Variants in PDZRN4 observed in about 807,000 individuals in gnomAD.
PDZRN4 encodes the protein PDZ domain-containing RING finger protein 4.
In PDZRN4, 70 loss-of-function variants were observed where a neutral mutation model predicts 99.0. That is an observed-to-expected ratio of 0.71 (90% CI 0.58 to 0.86). PDZRN4 has a LOEUF of 0.86. Among genes scored for constraint, PDZRN4 ranks in the 40% least tolerant of loss-of-function variants. The probability of loss-of-function intolerance (pLI) is 0.00; values close to 1 mark genes in which losing one functional copy is unlikely to be tolerated. For synonymous variants in PDZRN4, 551 were observed against 501.6 expected, an observed-to-expected ratio of 1.10 and a Z score of -1.32; for missense variants, 1,474 against 1,331.2, an observed-to-expected ratio of 1.11 and a Z score of -1.67.
chr12:41,298,962 G>A (rs1286022110), intron 3 of PDZRN4, among the ~76,000 whole-genome samples: 1 of 152,072 alleles, frequency 6.6e-6, no homozygotes, highest in African/African-American at 2.4e-5. Context: ...TGTGATCACT[G>A]CATCCCCCTT....
intron 3 of PDZRN4, among the ~76,000 whole-genome samples, chr12:41,413,663 T>G (rs1279308651): frequency 1.3e-5 from 2 of 152,158 alleles, no homozygotes; most frequent in Admixed American, 6.5e-5. Context: ...CAATTATTAT[T>G]GTCAATTTAA....
intron 3 of PDZRN4, among the ~76,000 whole-genome samples, chr12:41,391,773 T>C (rs992345998): frequency 6.6e-5 from 10 of 152,156 alleles, no homozygotes; most frequent in African/African-American, 2.4e-4. Flanking sequence ...CTTTACTAAC[T>C]GAATAGCCTT....
chr12:41,573,077 C>G lies in PDZRN4; in HGVS notation c.2298C>G (p.Leu766=), dbSNP rs1173757509. The G allele has an allele frequency of 2.5e-6, 4 of 1,614,104 alleles. No individual in the cohort carries two copies. Among genetic ancestry groups the G allele is most frequent in the Non-Finnish European group, 3.4e-6 (4 of 1,180,002 alleles). Residue 766 remains leucine, a synonymous_variant, in exon 10 of 10, where the codon CTC becomes CTG. Transcript: ENST00000402685. ...GTTCCCTTCCAAGGGTGATCAACCT[C>G]ACCAATAAGAAAAACCTGAGAAGCA... ...PDSSLPRVIN[L]TNKKNLRSTM... is the part of the protein sequence containing the mutation.
intron 3 of PDZRN4, among the ~76,000 whole-genome samples, chr12:41,291,960 AC>A (rs1951459323): frequency 6.6e-6 from 1 of 152,192 alleles, no homozygotes; most frequent in Non-Finnish European, 1.5e-5. Flanking sequence ...GACCAGGATA[AC>A]TGGAAATATA....
At chr12:41,469,860 G>A (rs1212018498) in intron 3 of PDZRN4, among the ~76,000 whole-genome samples, 1 of 152,102 alleles carries the variant, frequency 6.6e-6, no homozygotes, top group Non-Finnish European at 1.5e-5. Context: ...AACCTGGGAG[G>A]CAGAGCTTGC....
At chr12:41,321,222 A>G (rs1463162621) in intron 3 of PDZRN4, among the ~76,000 whole-genome samples, 2 of 152,136 alleles carry the variant, frequency 1.3e-5, no homozygotes, top group African/African-American at 2.4e-5. Flanking sequence ...TGAGTTTTCC[A>G]TCTGCTCTTT....
chr12:41,382,902 G>T (rs552169064), intron 3 of PDZRN4, among the ~76,000 whole-genome samples: 1 of 152,252 alleles, frequency 6.6e-6, no homozygotes, highest in East Asian at 1.9e-4. Flanking sequence ...AATAAAGCTG[G>T]TCTTTTTTTG....
chr12:41,391,162 T>G (rs534688778), intron 3 of PDZRN4, among the ~76,000 whole-genome samples: 14 of 152,286 alleles, frequency 9.2e-5, no homozygotes, highest in Non-Finnish European at 1.9e-4. Context: ...AGAAACTTAT[T>G]TGGATAATGT....
intron 3 of PDZRN4, among the ~76,000 whole-genome samples, chr12:41,264,887 G>T (rs1259319794): frequency 6.6e-6 from 1 of 152,118 alleles, no homozygotes; most frequent in East Asian, 1.9e-4. Context: ...TCACTTACAA[G>T]TGGGTACTCA....
intron 3 of PDZRN4, among the ~76,000 whole-genome samples, chr12:41,416,007 T>C (rs1454409091): frequency 3.9e-5 from 6 of 152,202 alleles, no homozygotes; most frequent in African/African-American, 1.2e-4. Context: ...CAAAACCATA[T>C]TTCAGTTTTC....
chr12:41,259,982 T>C (rs1185722065), intron 3 of PDZRN4, among the ~76,000 whole-genome samples: 1 of 152,184 alleles, frequency 6.6e-6, no homozygotes, highest in Non-Finnish European at 1.5e-5. Context: ...TAGGACATTT[T>C]CTACTTTATT....
At chr12:41,326,844 T>C (rs1056358769) in intron 3 of PDZRN4, among the ~76,000 whole-genome samples, 1 of 152,154 alleles carries the variant, frequency 6.6e-6, no homozygotes, top group Non-Finnish European at 1.5e-5. Flanking sequence ...AAAATATCAT[T>C]AGCTAAAGTG....
chr12:41,278,089 A>G (rs1004239178), intron 3 of PDZRN4, among the ~76,000 whole-genome samples: 1 of 152,206 alleles, frequency 6.6e-6, no homozygotes, highest in Non-Finnish European at 1.5e-5. Context: ...TTGCATGGAC[A>G]CTAAGATGAT....
intron 3 of PDZRN4, among the ~76,000 whole-genome samples, chr12:41,334,939 T>C (rs986420091): frequency 1.3e-5 from 2 of 152,126 alleles, no homozygotes; most frequent in Non-Finnish European, 2.9e-5. Flanking sequence ...TCTGTGACAG[T>C]CTTTTCTTTG....
At chr12:41,365,588 C>T (rs989375277) in intron 3 of PDZRN4, among the ~76,000 whole-genome samples, 9 of 151,960 alleles carry the variant, frequency 5.9e-5, no homozygotes, top group Non-Finnish European at 1.0e-4. Flanking sequence ...GTTGTGTTGA[C>T]GGATAGCAAG....
At chr12:41,336,675 T>C (rs1482007208) in intron 3 of PDZRN4, among the ~76,000 whole-genome samples, 1 of 152,100 alleles carries the variant, frequency 6.6e-6, no homozygotes, top group Non-Finnish European at 1.5e-5. Flanking sequence ...TACTCAAATC[T>C]GTCTCCCCAA....
intron 3 of PDZRN4, among the ~76,000 whole-genome samples, chr12:41,350,894 T>A (rs899319135): frequency 6.6e-6 from 1 of 152,068 alleles, no homozygotes; most frequent in Non-Finnish European, 1.5e-5. Flanking sequence ...CAGCAGTCAA[T>A]ACCTCCCTAC....
At chr12:41,321,654 GT>G (rs1951678608) in intron 3 of PDZRN4, among the ~76,000 whole-genome samples, 1 of 151,974 alleles carries the variant, frequency 6.6e-6, no homozygotes, top group African/African-American at 2.4e-5. Context: ...GTTTGTTTTG[GT>G]TTTGGTTTTT....
chr12:41,321,593 C>T (rs1951678038), intron 3 of PDZRN4, among the ~76,000 whole-genome samples: 1 of 152,120 alleles, frequency 6.6e-6, no homozygotes, highest in Non-Finnish European at 1.5e-5. Context: ...TCTTTTTGTT[C>T]ATAATCTATT....
Sources: allele counts gnomAD v4.1 joint callset (sites outside exome capture counted in the v4.1 genomes callset), GRCh38; gene constraint gnomAD v4.1.1; transcripts MANE v1.5; gene names NCBI Gene and HGNC (gene_info 2026-07-23, HGNC 2026-07-21).